Variants in SUGCT observed in about 807,000 individuals in gnomAD.
The protein encoded by SUGCT is succinyl-CoA:glutarate-CoA transferase.
SUGCT carries 41 observed loss-of-function variants against 55.0 expected under a neutral mutation model. The ratio of observed to expected loss-of-function variants is 0.74; its 90% CI spans 0.58 to 0.97. The LOEUF is 0.97. Ranked by LOEUF, SUGCT falls within the 50% of genes least tolerant of loss-of-function variation. SUGCT has a pLI of 0.00. For missense variants in SUGCT, 568 were observed against 547.8 expected, an observed-to-expected ratio of 1.04 and a Z score of -0.37; for synonymous variants, 187 against 200.4, an observed-to-expected ratio of 0.93 and a Z score of 0.56.
chr7:40,883,331 C>T, the SUGCT span, among the ~76,000 whole-genome samples: 79,857 of 151,994 alleles, frequency 0.53, 21,860 homozygotes, highest in East Asian at 0.9. Context: ...CATGTGCGAC[C>T]TTGAGAATCT....
At chr7:40,687,877 G>C (rs1784535126) in intron 12 of SUGCT, among the ~76,000 whole-genome samples, 1 of 152,206 alleles carries the variant, frequency 6.6e-6, no homozygotes, top group Non-Finnish European at 1.5e-5. Flanking sequence ...GCTTGAAGCA[G>C]AGAGGCGGTG....
At chr7:40,621,845 A>G (rs1201996380) in intron 12 of SUGCT, among the ~76,000 whole-genome samples, 1 of 152,184 alleles carries the variant, frequency 6.6e-6, no homozygotes, top group Non-Finnish European at 1.5e-5. Flanking sequence ...CCAGATTTCA[A>G]ATATTTCTGC....
chr7:40,511,489 A>T (rs1286694396), intron 12 of SUGCT, among the ~76,000 whole-genome samples: 1 of 152,148 alleles, frequency 6.6e-6, no homozygotes, highest in East Asian at 1.9e-4. Flanking sequence ...ATTCAAACTA[A>T]GTCTGCAGGT....
At chr7:40,377,217 CT>C (rs775760978) in intron 9 of SUGCT, among the ~76,000 whole-genome samples, 5,751 of 10,722 alleles carry the variant, frequency 0.54, 2,388 homozygotes, top group South Asian at 0.81. Context: ...TCTTTTCTTT[CT>C]TTTCTTTCTT....
chr7:40,359,393 C>G (rs1337543412), intron 9 of SUGCT, among the ~76,000 whole-genome samples: 1 of 152,034 alleles, frequency 6.6e-6, no homozygotes, highest in East Asian at 1.9e-4. Context: ...TTAGTACCGA[C>G]AGGATTTCAT....
intron 1 of SUGCT, among the ~76,000 whole-genome samples, chr7:40,171,648 G>A (rs1369978762): frequency 2.6e-5 from 4 of 152,210 alleles, no homozygotes; most frequent in Non-Finnish European, 5.9e-5. Context: ...CTGGTGAGGT[G>A]TGCTCACAAT....
At chr7:40,573,894 TTCTC>T (rs1200624398) in intron 12 of SUGCT, among the ~76,000 whole-genome samples, 1 of 152,226 alleles carries the variant, frequency 6.6e-6, no homozygotes, top group Non-Finnish European at 1.5e-5. Flanking sequence ...GTTTCTTACT[TTCTC>T]CATTTTCTTC....
At chr7:40,722,317 G>A (rs747617158) in intron 12 of SUGCT, among the ~76,000 whole-genome samples, 2 of 152,184 alleles carry the variant, frequency 1.3e-5, no homozygotes, top group African/African-American at 4.8e-5. Context: ...ATACTATAAT[G>A]TAGGGGAGTC....
intron 12 of SUGCT, among the ~76,000 whole-genome samples, chr7:40,702,566 A>G (rs918198417): frequency 3.3e-5 from 5 of 152,136 alleles, no homozygotes; most frequent in African/African-American, 1.2e-4. Context: ...TGGTATTGGT[A>G]TGTTAGATTT....
intron 9 of SUGCT, among the ~76,000 whole-genome samples, chr7:40,335,579 A>ATT (rs1562691549): frequency 6.6e-6 from 1 of 152,076 alleles, no homozygotes; most frequent in African/African-American, 2.4e-5. Flanking sequence ...GAATGCTTGT[A>ATT]ATTTTTGCAC....
At chr7:40,701,887 C>A (rs949142186) in intron 12 of SUGCT, among the ~76,000 whole-genome samples, 10 of 152,188 alleles carry the variant, frequency 6.6e-5, no homozygotes, top group Non-Finnish European at 1.3e-4. Context: ...GAGATATGCT[C>A]TAAAAACTTA....
At chr7:40,432,912 T>C (rs182475774) in intron 9 of SUGCT, among the ~76,000 whole-genome samples, 4 of 152,198 alleles carry the variant, frequency 2.6e-5, no homozygotes, top group Non-Finnish European at 5.9e-5. Flanking sequence ...TCTCTCTCCT[T>C]CTTCTTTGTG....
chr7:40,870,046 G>C, the SUGCT span, among the ~76,000 whole-genome samples: 1 of 152,138 alleles, frequency 6.6e-6, no homozygotes, highest in Non-Finnish European at 1.5e-5. Context: ...TCTGTAATCA[G>C]TAAGTATATT....
At chr7:40,485,329 A>G (rs116908273) in intron 11 of SUGCT, among the ~76,000 whole-genome samples, 225 of 151,742 alleles carry the variant, frequency 1.5e-3, no homozygotes, top group Non-Finnish European at 2.6e-3. Flanking sequence ...CTTTGAAGGA[A>G]TGTAGAAAAC....
At chr7:40,620,858 G>A (rs769511558) in intron 12 of SUGCT, among the ~76,000 whole-genome samples, 1 of 152,160 alleles carries the variant, frequency 6.6e-6, no homozygotes, top group Non-Finnish European at 1.5e-5. Context: ...AGAGGAACAA[G>A]TTTGCAAAAC....
chr7:40,540,791 T>C (rs1047281450), intron 12 of SUGCT, among the ~76,000 whole-genome samples: 2 of 152,240 alleles, frequency 1.3e-5, no homozygotes, highest in Non-Finnish European at 2.9e-5. Context: ...AGTAGAACTT[T>C]AGAATTCTGT....
chr7:40,677,561 T>C (rs1340456497), intron 12 of SUGCT, among the ~76,000 whole-genome samples: 1 of 152,202 alleles, frequency 6.6e-6, no homozygotes, highest in African/African-American at 2.4e-5. Context: ...TGCTGTGTGA[T>C]GAACTCTCTT....
intron 12 of SUGCT, among the ~76,000 whole-genome samples, chr7:40,689,273 A>T (rs1392065620): frequency 6.6e-6 from 1 of 152,182 alleles, no homozygotes; most frequent in Non-Finnish European, 1.5e-5. Flanking sequence ...GAGAAGACTT[A>T]GGTGTCCAGT....
chr7:40,493,301 CA>C (rs901229639), intron 11 of SUGCT, among the ~76,000 whole-genome samples: 1 of 152,148 alleles, frequency 6.6e-6, no homozygotes, highest in African/African-American at 2.4e-5. Context: ...ATAAAATTGA[CA>C]AAATATAGAC....
Sources: gnomAD v4.1 joint callset for allele counts (sites outside exome capture counted in the v4.1 genomes callset) on GRCh38, gnomAD v4.1.1 for gene constraint, MANE v1.5 for transcripts, NCBI Gene and HGNC (gene_info 2026-07-23, HGNC 2026-07-21) for gene names.